Variants in TRAF3IP1 observed in about 807,000 individuals in gnomAD.
TRAF3IP1 encodes TRAF3-interacting protein 1.
In TRAF3IP1, 53 loss-of-function variants were observed where a neutral mutation model predicts 89.9. That is an observed-to-expected ratio of 0.59 (90% CI 0.47 to 0.74). The LOEUF (loss-of-function observed/expected upper bound fraction) is 0.74. Among genes scored for constraint, TRAF3IP1 ranks in the 30% least tolerant of loss-of-function variants. The pLI is 0.00. For missense variants in TRAF3IP1, 806 were observed against 866.1 expected (o/e 0.93, Z 0.87); for synonymous variants, 311 against 322.1 (o/e 0.97, Z 0.37).
chr2:238,397,381 G>A (rs1281609628), intron 15 of TRAF3IP1, 78 bp from the exon 16 acceptor site: 7 of 1,310,840 alleles, frequency 5.3e-6, no homozygotes, highest in Middle Eastern at 1.9e-4. Flanking sequence ...CCCCATGGCC[G>A]TGTGCTGAGT....
At chr2:238,384,925 A>G (rs1429237403) in intron 15 of TRAF3IP1, among the ~76,000 whole-genome samples, 1 of 152,006 alleles carries the variant, frequency 6.6e-6, no homozygotes, top group African/African-American at 2.4e-5. Flanking sequence ...TTTCTCCAGT[A>G]TTTTTTCCTT....
Position 238,375,379 on chromosome 2 carries a change from T to C in TRAF3IP1, c.1689+19299T>C, listed in dbSNP as rs567683815. ...AACATCTTTATTTCTGCCTTCATTTTGTTATGTACCCAGTAGTCATTCAGG... is the reference window on the plus strand; with the variant it reads ...AACATCTTTATTTCTGCCTTCATTTCGTTATGTACCCAGTAGTCATTCAGG... On this transcript the variant is annotated intron_variant, in intron 15 of 16. Coordinates refer to ENST00000373327, the MANE Select transcript of TRAF3IP1 (RefSeq NM_015650.4). Among the ~76,000 whole-genome samples the C allele has an allele frequency of 2.0e-5, 3 of 152,328 alleles. No individual in the cohort carries two copies. In the South Asian group the frequency reaches 6.2e-4, roughly 32 times the overall value.
chr2:238,391,813 A>G (rs1331482203), intron 15 of TRAF3IP1, among the ~76,000 whole-genome samples: 1 of 152,184 alleles, frequency 6.6e-6, no homozygotes, highest in Non-Finnish European at 1.5e-5. Context: ...ACATTTTTAT[A>G]TTAGAGTTAA....
At chr2:238,335,458 T>A (rs1024382828) in intron 7 of TRAF3IP1, among the ~76,000 whole-genome samples, 1 of 152,176 alleles carries the variant, frequency 6.6e-6, no homozygotes, top group African/African-American at 2.4e-5. Context: ...TTACTTCCAC[T>A]TTTTTATTTT....
intron 15 of TRAF3IP1, among the ~76,000 whole-genome samples, chr2:238,395,206 AAGAG>A (rs548056680): frequency 1.4e-4 from 21 of 152,234 alleles, no homozygotes; most frequent in East Asian, 3.9e-4. Flanking sequence ...GCTGTAAAGA[AAGAG>A]AGAGAGAAGA....
chr2:238,351,142 A>G lies in TRAF3IP1; in HGVS notation c.1452-1685A>G, dbSNP rs1333694629. Among the ~76,000 whole-genome samples the G allele has an allele frequency of 6.6e-6, 1 of 151,954 alleles. No individual in the cohort carries two copies. Among genetic ancestry groups the G allele is most frequent in the Non-Finnish European group, 1.5e-5 (1 of 67,898 alleles). The stretch of plus-strand genomic sequence containing the variant: ...GGAGCTTGCTGTTAGTGGTAGTGAC[A>G]GGGGTGCCCCTGGGAGTGGGCGTCG... On this transcript the variant is annotated intron_variant, in intron 12 of 16. Transcript: ENST00000373327. The surrounding 1 kb of genome is among the most constrained non-coding windows in gnomAD (Gnocchi z 5.2).
At chr2:238,361,879 T>C (rs891862990) in intron 15 of TRAF3IP1, among the ~76,000 whole-genome samples, 1 of 152,208 alleles carries the variant, frequency 6.6e-6, no homozygotes, top group Non-Finnish European at 1.5e-5. Flanking sequence ...TTGCCTGTCT[T>C]TGGAGCAAAA....
chr2:238,357,948 A>G (rs1699492624), intron 15 of TRAF3IP1, among the ~76,000 whole-genome samples: 1 of 152,190 alleles, frequency 6.6e-6, no homozygotes, highest in South Asian at 2.1e-4. Flanking sequence ...TTTGGTAAAC[A>G]TCTGCTGTTT....
At chr2:238,347,370 G>GT (rs1698942083) in intron 9 of TRAF3IP1, 85 bp from the exon 10 acceptor site, 1 of 1,449,376 alleles carries the variant, frequency 6.9e-7, no homozygotes, top group Admixed American at 1.7e-5. Flanking sequence ...TGTACAGTGT[G>GT]TTTTTTCTCC....
chr2:238,331,182 C>T (rs929097443), intron 5 of TRAF3IP1, among the ~76,000 whole-genome samples: 6 of 151,648 alleles, frequency 4.0e-5, no homozygotes, highest in South Asian at 2.1e-4. Flanking sequence ...GAGGCTCGGC[C>T]GGGCATGGTG....
intron 15 of TRAF3IP1, among the ~76,000 whole-genome samples, chr2:238,389,628 A>G (rs1317018946): frequency 1.4e-5 from 2 of 147,704 alleles, no homozygotes; most frequent in African/African-American, 4.9e-5. Context: ...GGCACCTGTA[A>G]TCTCAACTAC....
intron 15 of TRAF3IP1, among the ~76,000 whole-genome samples, chr2:238,390,741 G>C (rs1383513912): frequency 2.6e-5 from 4 of 152,088 alleles, no homozygotes; most frequent in African/African-American, 9.7e-5. Flanking sequence ...TTACCTGAAG[G>C]ATAAATATTA....
At chr2:238,353,050 A>C (rs1365119563) in intron 13 of TRAF3IP1, 100 bp downstream of exon 13, 1 of 1,527,520 alleles carries the variant, frequency 6.5e-7, no homozygotes, top group Non-Finnish European at 8.9e-7. Flanking sequence ...AATGTCCTGT[A>C]ATTTTTCAGT....
At chr2:238,373,470 C>G (rs1235135792) in intron 15 of TRAF3IP1, among the ~76,000 whole-genome samples, 2 of 152,172 alleles carry the variant, frequency 1.3e-5, no homozygotes, top group Non-Finnish European at 2.9e-5. Flanking sequence ...TCTGAGGCCT[C>G]TGTTCTGTTC....
rs938737486 is a variant in TRAF3IP1, at chr2:238,350,068, C to CA, written c.1451+671dup. On this transcript the variant is annotated intron_variant, in intron 12 of 16. Coordinates refer to ENST00000373327, the MANE Select transcript of TRAF3IP1 (RefSeq NM_015650.4). ...CCTGGGCGACAGAGTGAGACTATCT[C>CA]AAAAAAAAAAATAAAGTCATAAGCA... Among the ~76,000 whole-genome samples the CA allele has an allele frequency of 3.6e-3, 504 of 141,932 alleles. 2 individuals are homozygous for CA. The highest frequency in any genetic ancestry group is 0.012 in the African/African-American group (459 of 38,732). 93.1% of individuals were successfully genotyped at this position (141,932 alleles called of 152,430 possible).
intron 15 of TRAF3IP1, among the ~76,000 whole-genome samples, chr2:238,397,079 T>G (rs1441917214): frequency 6.6e-6 from 1 of 152,182 alleles, no homozygotes; most frequent in African/African-American, 2.4e-5. Flanking sequence ...CCAGTCCATT[T>G]GGGAAAAATC....
At chr2:238,372,736 A>G (rs1166870842) in intron 15 of TRAF3IP1, among the ~76,000 whole-genome samples, 1 of 152,254 alleles carries the variant, frequency 6.6e-6, no homozygotes, top group Non-Finnish European at 1.5e-5. Context: ...GAACTAATTT[A>G]CATTGTCACC....
intron 15 of TRAF3IP1, 175 bp from the exon 16 acceptor site, chr2:238,397,284 T>C (rs1214771043): frequency 5.1e-6 from 3 of 593,820 alleles, no homozygotes; most frequent in Non-Finnish European, 9.0e-6. Context: ...ACTTCAGAGT[T>C]ACTCTGTTAG....
At chr2:238,349,511 G>C in intron 12 of TRAF3IP1, 103 bp downstream of exon 12, 5 of 1,196,494 alleles carry the variant, frequency 4.2e-6, no homozygotes, top group Non-Finnish European at 6.0e-6. Flanking sequence ...CATGGTGCTG[G>C]AAACATGCTA....
Sources: gnomAD v4.1 joint callset for allele counts (sites outside exome capture counted in the v4.1 genomes callset) on GRCh38, gnomAD v4.1.1 for gene constraint, Gnocchi (gnomAD v3.1) non-coding constraint, MANE v1.5 for transcripts, NCBI Gene and HGNC (gene_info 2026-07-23, HGNC 2026-07-21) for gene names.